The following LYPD6B variants were observed in gnomAD, a reference collection of about 807,000 sequenced individuals.
The protein encoded by LYPD6B is LY6/PLAUR domain containing 6B, also known as ly6/PLAUR domain-containing protein 6B.
A neutral mutation model predicts 22.8 loss-of-function variants in LYPD6B; 17 were observed. The observed-to-expected ratio is 0.75, with a 90% CI of 0.51 to 1.12. LYPD6B has a LOEUF of 1.12. Ranked by LOEUF, LYPD6B falls within the 50% of genes most tolerant of loss-of-function variation. The pLI, the probability that LYPD6B is intolerant of heterozygous loss-of-function variation, is 0.00. For synonymous variants in LYPD6B, 106 were observed against 91.6 expected (o/e 1.16, Z -0.90); for missense variants, 221 against 258.3 (o/e 0.86, Z 0.99).
intron 1 of LYPD6B, among the ~76,000 whole-genome samples, chr2:149,055,353 C>T (rs1016828841): frequency 5.3e-5 from 8 of 152,058 alleles, no homozygotes; most frequent in Admixed American, 2.6e-4. Flanking sequence ...TCTTCTTGTT[C>T]GGTGTTATTT....
intron 2 of LYPD6B, 34 bp downstream of exon 2, chr2:149,130,987 G>T: frequency 1.3e-6 from 2 of 1,489,328 alleles, no homozygotes; most frequent in South Asian, 1.1e-5. Flanking sequence ...ATGTAGAGAA[G>T]ATATTTTTAT....
chr2:149,099,650 C>G (rs1427644594), intron 1 of LYPD6B, among the ~76,000 whole-genome samples: 1 of 152,156 alleles, frequency 6.6e-6, no homozygotes, highest in Non-Finnish European at 1.5e-5. Context: ...TTCTCAAAAA[C>G]CTTGTCCATG....
chr2:149,187,528 TGCGA>T (rs1692197384), intron 3 of LYPD6B: 2 of 1,476,890 alleles, frequency 1.4e-6, no homozygotes, highest in Non-Finnish European at 1.8e-6. Context: ...TAAGATTCCC[TGCGA>T]GCAGGATCTC....
intron 1 of LYPD6B, among the ~76,000 whole-genome samples, chr2:149,130,248 A>G (rs538234857): frequency 1.3e-5 from 2 of 152,304 alleles, no homozygotes; most frequent in African/African-American, 4.8e-5. Context: ...AAAATGGCAA[A>G]TTTCCAGATG....
chr2:149,198,128 C>T (rs548493987), intron 3 of LYPD6B, among the ~76,000 whole-genome samples: 1 of 151,898 alleles, frequency 6.6e-6, no homozygotes, highest in African/African-American at 2.4e-5. Flanking sequence ...CTGCAATCCC[C>T]GCCTCCTAGG....
At chr2:149,099,882 C>G (rs1465017604) in intron 1 of LYPD6B, among the ~76,000 whole-genome samples, 1 of 152,184 alleles carries the variant, frequency 6.6e-6, no homozygotes, top group Non-Finnish European at 1.5e-5. Context: ...TATTTAAAAA[C>G]TAGGCAGCCA....
chr2:149,177,929 A>G (rs1691438363), intron 3 of LYPD6B, among the ~76,000 whole-genome samples: 1 of 151,994 alleles, frequency 6.6e-6, no homozygotes, highest in Non-Finnish European at 1.5e-5. Flanking sequence ...GCATTGTAAA[A>G]CACACTTTGT....
At chr2:149,079,142 G>A (rs552721796) in intron 1 of LYPD6B, among the ~76,000 whole-genome samples, 1 of 151,410 alleles carries the variant, frequency 6.6e-6, no homozygotes, top group Admixed American at 6.6e-5. Flanking sequence ...TAGTTTGTGA[G>A]CTCAACTCTA....
chr2:149,198,214 G>C (rs1163012263), intron 3 of LYPD6B, among the ~76,000 whole-genome samples: 1 of 151,766 alleles, frequency 6.6e-6, no homozygotes, highest in Non-Finnish European at 1.5e-5. Flanking sequence ...GCTAATTTTT[G>C]TATTTTTTAA....
Position 149,162,657 on chromosome 2 carries a change from T to C in LYPD6B, c.77+1822T>C, listed in dbSNP as rs1191995129. ...GGCCTATGGAGAACAGCAGAAAGAA[T>C]TAAGAGTAAAAATCACCCAATTTTA... On this transcript the variant is annotated intron_variant, in intron 3 of 6. Transcript: ENST00000409642. Among the ~76,000 whole-genome samples, 3 of 152,196 alleles carry C rather than the reference T, an allele frequency of 2.0e-5. No individual in the cohort carries two copies. The South Asian group carries it at 6.2e-4, about 31-fold the overall frequency.
chr2:149,043,515 T>C (rs1485188103), intron 1 of LYPD6B, among the ~76,000 whole-genome samples: 3 of 152,202 alleles, frequency 2.0e-5, no homozygotes, highest in Non-Finnish European at 4.4e-5. Context: ...TTTCTTGTTG[T>C]TCAGTACAAT....
At chr2:149,091,768 A>C (rs1244899176) in intron 1 of LYPD6B, among the ~76,000 whole-genome samples, 1 of 152,216 alleles carries the variant, frequency 6.6e-6, no homozygotes, top group Non-Finnish European at 1.5e-5. Context: ...TGTGAATCAC[A>C]TACTGTGCCA....
At chr2:149,066,601 A>G (rs1684346330) in intron 1 of LYPD6B, among the ~76,000 whole-genome samples, 1 of 152,012 alleles carries the variant, frequency 6.6e-6, no homozygotes, top group Non-Finnish European at 1.5e-5. Flanking sequence ...GTTGGTTCCA[A>G]TGTTATGCCA....
intron 1 of LYPD6B, among the ~76,000 whole-genome samples, chr2:149,093,557 T>C (rs552334925): frequency 6.6e-6 from 1 of 152,326 alleles, no homozygotes; most frequent in East Asian, 1.9e-4. Flanking sequence ...AAACATCAAA[T>C]TCAGGAATTT....
At chr2:149,169,167 C>A (rs1690644612) in intron 3 of LYPD6B, among the ~76,000 whole-genome samples, 1 of 151,802 alleles carries the variant, frequency 6.6e-6, no homozygotes, top group Non-Finnish European at 1.5e-5. Context: ...ATGCATGGAC[C>A]CGCTCTTGGG....
At chr2:149,138,225 T>C (rs1328483673) in intron 2 of LYPD6B, among the ~76,000 whole-genome samples, 1 of 152,200 alleles carries the variant, frequency 6.6e-6, no homozygotes, top group Non-Finnish European at 1.5e-5. Flanking sequence ...AATATGAACC[T>C]AGGGAGGGAA....
intron 1 of LYPD6B, among the ~76,000 whole-genome samples, chr2:149,044,665 C>T (rs567380317): frequency 6.2e-4 from 94 of 152,146 alleles, no homozygotes; most frequent in Non-Finnish European, 1.2e-3. Flanking sequence ...TAAGAGAGAA[C>T]ATCCTTACTT....
chr2:149,163,311 T>C (rs1343510675), intron 3 of LYPD6B, among the ~76,000 whole-genome samples: 1 of 152,154 alleles, frequency 6.6e-6, no homozygotes, highest in African/African-American at 2.4e-5. Context: ...ATCAGACCTG[T>C]AAGCTCTTGG....
intron 3 of LYPD6B, among the ~76,000 whole-genome samples, chr2:149,167,521 G>A (rs1444746104): frequency 6.6e-6 from 1 of 152,180 alleles, no homozygotes; most frequent in African/African-American, 2.4e-5. Context: ...AAGGATGTGA[G>A]TGTGGTACGT....
Sources: allele counts gnomAD v4.1 joint callset (sites outside exome capture counted in the v4.1 genomes callset), GRCh38; gene constraint gnomAD v4.1.1; transcripts MANE v1.5; gene names NCBI Gene and HGNC (gene_info 2026-07-23, HGNC 2026-07-21).